The following RXRA variants were observed in gnomAD, a reference collection of about 807,000 sequenced individuals.
The protein encoded by RXRA is retinoid X receptor alpha, also known as retinoic acid receptor RXR-alpha.
A neutral mutation model predicts 44.5 loss-of-function variants in RXRA; 5 were observed. The observed-to-expected ratio is 0.11, with a 90% CI of 0.06 to 0.24. RXRA has a LOEUF of 0.24. Ranked by LOEUF, RXRA falls within the 10% of genes least tolerant of loss-of-function variation. The probability of loss-of-function intolerance (pLI) is 1.00; values close to 1 mark genes in which losing one functional copy is unlikely to be tolerated. For synonymous variants in RXRA, 291 were observed against 271.4 expected (o/e 1.07, Z -0.71); for missense variants, 412 against 646.5 (o/e 0.64, Z 3.93).
chr9:134,423,895 ACCGAT>A, intron 6 of RXRA: 5 of 984,958 alleles, frequency 5.1e-6, no homozygotes, highest in Non-Finnish European at 6.0e-6. Flanking sequence ...AACCCACCAG[ACCGAT>A]CCAGAGAACA....
intron 4 of RXRA, among the ~76,000 whole-genome samples, chr9:134,415,945 T>G (rs2119174824): frequency 6.6e-6 from 1 of 152,318 alleles, no homozygotes; most frequent in Non-Finnish European, 1.5e-5. Flanking sequence ...GCCATAGTTT[T>G]CTCACCGGTA....
intron 1 of RXRA, among the ~76,000 whole-genome samples, chr9:134,375,509 A>G (rs914625100): frequency 6.6e-6 from 1 of 152,192 alleles, no homozygotes; most frequent in African/African-American, 2.4e-5. Context: ...CTGGCCCGGA[A>G]TAAACCCTGG....
chr9:134,435,227 C>G (rs756955925), intron 9 of RXRA, among the ~76,000 whole-genome samples: 1 of 152,208 alleles, frequency 6.6e-6, no homozygotes, highest in Admixed American at 6.5e-5. Flanking sequence ...CTGGAGGGGC[C>G]GTGTGGAGAG....
chr9:134,427,391 G>A (rs1053962144), intron 6 of RXRA, among the ~76,000 whole-genome samples: 4 of 152,156 alleles, frequency 2.6e-5, no homozygotes, highest in Admixed American at 1.3e-4. Flanking sequence ...CATGACAGGC[G>A]GGGAGGTGCC....
chr9:134,382,578 A>G lies in RXRA; in HGVS notation c.29-19054A>G, dbSNP rs145357054. ...ATGGGCCTCTGTGCACTGATGGAGC[A>G]GTAGGTGTGTGGGATTCATGGGGTG... On this transcript the variant is annotated intron_variant, in intron 1 of 9. Transcript: ENST00000481739. Among the ~76,000 whole-genome samples, 16 of 152,210 alleles carry G rather than the reference A, an allele frequency of 1.1e-4. No individual in the cohort carries two copies. In the East Asian group the frequency reaches 3.1e-3, roughly 29 times the overall value.
rs1270627744 is a variant in RXRA, at chr9:134,417,816, G to A, written c.780+489G>A. Among the ~76,000 whole-genome samples the A allele has an allele frequency of 6.6e-6, 1 of 152,128 alleles. No homozygotes were observed. The highest frequency in any genetic ancestry group is 2.4e-5 in the African/African-American group (1 of 41,424). ...CAGGTGCCCGGCAGTCGCGGTGGCT[G>A]CTGTTGATACAGGAAGCAGCTCTGC... On this transcript the variant is annotated intron_variant, in intron 5 of 9. Coordinates refer to ENST00000481739, the MANE Select transcript of RXRA (RefSeq NM_002957.6). This position sits in a 1 kb window ranked among gnomAD's most constrained non-coding sequence, Gnocchi z 6.1.
rs1831569817 is a variant in RXRA, at chr9:134,433,718, C to G, written c.1136-384C>G. ...GCTATCTCCCATCCATGTTATGGGG[C>G]TGGGACCCAAGGGCAGCAGCAGCAT... is the stretch of plus-strand genomic sequence containing the variant. On this transcript the variant is annotated intron_variant, in intron 8 of 9. Coordinates refer to ENST00000481739, the MANE Select transcript of RXRA (RefSeq NM_002957.6). This position sits in a 1 kb window ranked among gnomAD's most constrained non-coding sequence, Gnocchi z 4.2. Among the ~76,000 whole-genome samples, 1 of 152,162 alleles carries G rather than the reference C, an allele frequency of 6.6e-6. No individual in the cohort carries two copies. Among genetic ancestry groups the G allele is most frequent in the Non-Finnish European group, 1.5e-5 (1 of 68,024 alleles).
chr9:134,353,255 C>T lies in RXRA; in HGVS notation c.28+26596C>T, dbSNP rs752720955. 3.9e-5 allele frequency among the ~76,000 whole-genome samples: 6 copies of T among 152,166 alleles called. No homozygotes were observed. In the East Asian group the frequency reaches 5.8e-4, roughly 15 times the overall value. On this transcript the variant is annotated intron_variant, in intron 1 of 9. Coordinates refer to ENST00000481739, the MANE Select transcript of RXRA (RefSeq NM_002957.6). ...GTGGAGGAGGTGGGCTTGTTTTCTTCGGTGGATTTCCTGGAGTCCTTCTCA... is the reference window on the plus strand; with the variant it reads ...GTGGAGGAGGTGGGCTTGTTTTCTTTGGTGGATTTCCTGGAGTCCTTCTCA...
chr9:134,332,359 G>A (rs60262024), intron 1 of RXRA, among the ~76,000 whole-genome samples: 58,407 of 152,126 alleles, frequency 0.38, 12,684 homozygotes, highest in African/African-American at 0.59. Context: ...CCCAGCACAC[G>A]CGGCCCACCC....
chr9:134,418,237 G>A (rs1226309392), intron 5 of RXRA, among the ~76,000 whole-genome samples: 2 of 152,142 alleles, frequency 1.3e-5, no homozygotes, highest in South Asian at 2.1e-4. Flanking sequence ...AGCTGTGCCC[G>A]GGGTTGGGCA....
chr9:134,357,988 G>T (rs1476357337), intron 1 of RXRA, among the ~76,000 whole-genome samples: 1 of 152,198 alleles, frequency 6.6e-6, no homozygotes, highest in African/African-American at 2.4e-5. Flanking sequence ...TGCCCCCACA[G>T]AACACGGGGA....
At chr9:134,409,162 A>G in intron 4 of RXRA, 43 bp downstream of exon 4, 2 of 1,494,378 alleles carry the variant, frequency 1.3e-6, no homozygotes, top group Admixed American at 2.2e-5. Flanking sequence ...GGTGTTGGAC[A>G]AACAGTGGGG....
intron 1 of RXRA, among the ~76,000 whole-genome samples, chr9:134,374,715 T>G (rs1332254643): frequency 6.6e-6 from 1 of 152,252 alleles, no homozygotes; most frequent in Non-Finnish European, 1.5e-5. Flanking sequence ...TCCTGGCGAC[T>G]TCCTTCTTCA....
chr9:134,326,685 G>C lies in RXRA; in HGVS notation c.28+26G>C, dbSNP rs1223182042. On this transcript the variant is annotated intron_variant, in intron 1 of 9. Coordinates refer to ENST00000481739, the MANE Select transcript of RXRA (RefSeq NM_002957.6). ...GTGAGTGCTCGCCGGGCCGGGCGGG[G>C]ACGGGGCCGGGGGCCGGGGGCCGGC... 1.3e-5 allele frequency: 11 copies of C among 862,260 alleles called. No individual in the cohort carries two copies. The African/African-American group carries it at 1.7e-4, about 13-fold the overall frequency. The allele number at this position is 862,260 out of a possible 1,614,324, so 53.4% of individuals were successfully genotyped here.
Position 134,430,713 on chromosome 9 carries a change from G to C in RXRA, c.1044-1192G>C, listed in dbSNP as rs561218313. Reference sequence around the variant, plus strand: ...GAAGCTTCTTTAGAGGGGTACTGGGGATATGGCTTTGGGAAGCGAAGCCCC... The same window carrying C: ...GAAGCTTCTTTAGAGGGGTACTGGGCATATGGCTTTGGGAAGCGAAGCCCC... On this transcript the variant is annotated intron_variant, in intron 7 of 9. Transcript: ENST00000481739. Among the ~76,000 whole-genome samples the C allele has an allele frequency of 5.2e-4, 79 of 152,332 alleles. 1 individual carries two copies. The highest frequency in any genetic ancestry group is 1.0e-3 in the South Asian group (5 of 4,828).
chr9:134,355,281 G>A (rs1554749939), intron 1 of RXRA, among the ~76,000 whole-genome samples: 1 of 152,210 alleles, frequency 6.6e-6, no homozygotes, highest in Admixed American at 6.5e-5. Context: ...GGGCATCTCT[G>A]TGTCTCTTTG....
At chr9:134,425,285 G>C in intron 6 of RXRA, 1 of 985,400 alleles carries the variant, frequency 1.0e-6, no homozygotes, top group East Asian at 1.1e-4. Context: ...CCGTCCAGGA[G>C]GCCTTCAGAA....
At chr9:134,399,994 TG>T (rs1194311382) in intron 1 of RXRA, among the ~76,000 whole-genome samples, 7 of 152,194 alleles carry the variant, frequency 4.6e-5, no homozygotes, top group Non-Finnish European at 1.0e-4. Flanking sequence ...GGGCACAGGG[TG>T]GCAGAACCTC....
rs546999136 is a variant in RXRA at position 134,368,744 on chromosome 9, G to C, written c.29-32888G>C. Among the ~76,000 whole-genome samples the C allele has an allele frequency of 3.6e-5, 5 of 138,268 alleles. No individual in the cohort carries two copies. The East Asian group carries it at 1.0e-3, about 28-fold the overall frequency. 90.7% of individuals were successfully genotyped at this position (138,268 alleles called of 152,430 possible). On this transcript the variant is annotated intron_variant, in intron 1 of 9. Coordinates refer to ENST00000481739, the MANE Select transcript of RXRA (RefSeq NM_002957.6). ...TCATGCCATGTGTGGATGTGACTGG[G>C]TGAGTGTGGATGTGTGTGTGACTGT...
Sources: allele counts gnomAD v4.1 joint callset (sites outside exome capture counted in the v4.1 genomes callset), GRCh38; gene constraint gnomAD v4.1.1; non-coding constraint Gnocchi (gnomAD v3.1); transcripts MANE v1.5; gene names NCBI Gene and HGNC (gene_info 2026-07-23, HGNC 2026-07-21).